The following GTPBP1 variants were observed in gnomAD, a reference collection of about 807,000 sequenced individuals.
The protein encoded by GTPBP1 is GTP-binding protein 1.
GTPBP1 carries 23 observed loss-of-function variants against 62.0 expected under a neutral mutation model. That is an observed-to-expected ratio of 0.37 (90% confidence interval 0.27 to 0.53). The LOEUF (loss-of-function observed/expected upper bound fraction) is 0.53, where lower values mean the gene tolerates loss of function less well. GTPBP1 is among the 20% of genes least tolerant of loss of function. The pLI, the probability that GTPBP1 is intolerant of heterozygous loss-of-function variation, is 0.89. For synonymous variants in GTPBP1, 344 were observed against 364.4 expected, an observed-to-expected ratio of 0.94 and a Z score of 0.64; for missense variants, 640 against 917.3, an observed-to-expected ratio of 0.70 and a Z score of 3.90.
Position 38,716,572 on chromosome 22 carries a change from A to G in GTPBP1, c.486-80A>G. On this transcript the variant is annotated intron_variant, in intron 3 of 11. Coordinates refer to ENST00000216044, the MANE Select transcript of GTPBP1 (RefSeq NM_004286.5). This position sits in a 1 kb window ranked among gnomAD's most constrained non-coding sequence, Gnocchi z 5.2. ...GGGGCAAGCCTGGACTTGCGGATCC[A>G]ATTACTGGGGTTATGATGGTCGCTC... The G allele has an allele frequency of 9.5e-7, 1 of 1,053,938 alleles. No individual in the cohort carries two copies. The highest frequency in any genetic ancestry group is 1.4e-6 in the Non-Finnish European group (1 of 708,766). The allele number at this position is 1,053,938 out of a possible 1,614,324, so 65.3% of individuals were successfully genotyped here. A position where few individuals can be genotyped will look rare whatever the true frequency, so the allele number is the denominator to read the frequency against.
downstream of GTPBP1, chr22:38,735,440 G>A (rs544716959): frequency 3.4e-5 from 11 of 326,466 alleles, no homozygotes; most frequent in Admixed American, 2.6e-4. Context: ...CCAAAGACAG[G>A]TCTAGGTCTC....
intron 2 of GTPBP1, among the ~76,000 whole-genome samples, chr22:38,713,053 T>C (rs1330217139): frequency 6.6e-6 from 1 of 152,172 alleles, no homozygotes; most frequent in African/African-American, 2.4e-5. Context: ...CACAAGGCAG[T>C]ACATTGCAAA....
At position 38,723,027 on chromosome 22, in the gene GTPBP1, A is replaced by G. The variant is rs967668203; in HGVS notation, c.958+1162A>G. ...TCAGGAAGTTTGCTCAAATCTGACA[A>G]GAGTGGGATGTTCATGTGGTCCAAA... On this transcript the variant is annotated intron_variant, in intron 5 of 11. Transcript: ENST00000216044. 62 of 804,798 alleles carry G rather than the reference A, an allele frequency of 7.7e-5. No homozygotes were observed. The African/African-American group carries it at 9.3e-4, about 12-fold the overall frequency. 49.9% of individuals were successfully genotyped at this position (804,798 alleles called of 1,614,324 possible).
downstream of GTPBP1, chr22:38,735,404 T>G: frequency 2.8e-6 from 1 of 355,610 alleles, no homozygotes; most frequent in Non-Finnish European, 5.5e-6. Flanking sequence ...CCACTCTTCT[T>G]GCTATAACCC....
At chr22:38,738,058 G>C, downstream of GTPBP1, 1 of 921,194 alleles carries the variant, frequency 1.1e-6, no homozygotes, top group Non-Finnish European at 1.8e-6. This position sits in a 1 kb window ranked among gnomAD's most constrained non-coding sequence, Gnocchi z 6.6. Context: ...TGTGGGAAAG[G>C]AGAGCAGGGC....
rs557691224 is a variant in GTPBP1, at chr22:38,706,123, G to A, written c.168G>A (p.Glu56=). The A allele has an allele frequency of 3.5e-5, 46 of 1,300,822 alleles. No individual in the cohort carries two copies. In the East Asian group the frequency reaches 1.3e-3, roughly 36 times the overall value. The allele number at this position is 1,300,822 out of a possible 1,614,324, so 80.6% of individuals were successfully genotyped here. A position where few individuals can be genotyped will look rare whatever the true frequency, so the allele number is the denominator to read the frequency against. Residue 56 remains glutamate (E), a synonymous_variant, in exon 1 of 12, where the codon GAG becomes GAA. Transcript: ENST00000216044. Reference sequence around the variant, plus strand: ...AGGACGGCGAGGCGCTCAACGGCGAGCCAGAGCTGGACCTCACCAGCAAGG... The same window carrying A: ...AGGACGGCGAGGCGCTCAACGGCGAACCAGAGCTGGACCTCACCAGCAAGG... ...CSEDGEALNG[E]PELDLTSKLV... is the part of the protein sequence containing the mutation.
chr22:38,725,970 C>T, intron 6 of GTPBP1, 36 bp from the exon 7 acceptor site: 2 of 1,608,500 alleles, frequency 1.2e-6, no homozygotes, highest in Non-Finnish European at 8.5e-7. Context: ...CTGAGTGCCT[C>T]TCTCCTTTTT....
intron 2 of GTPBP1, among the ~76,000 whole-genome samples, chr22:38,713,640 T>C (rs2092652637): frequency 6.6e-6 from 1 of 152,150 alleles, no homozygotes; most frequent in Non-Finnish European, 1.5e-5. Flanking sequence ...GGCTCTGGTT[T>C]TGGAATCTGA....
chr22:38,723,939 A>C (rs770264295), intron 5 of GTPBP1, among the ~76,000 whole-genome samples: 26 of 152,172 alleles, frequency 1.7e-4, no homozygotes, highest in Non-Finnish European at 3.1e-4. Context: ...TTGTTGGATG[A>C]GATTTTTTTC....
chr22:38,734,860 C>T (rs190578127), downstream of GTPBP1: 8 of 190,726 alleles, frequency 4.2e-5, no homozygotes, highest in East Asian at 1.7e-4. Flanking sequence ...CGGGATGGAG[C>T]GGGGCGGCCT....
intron 2 of GTPBP1, among the ~76,000 whole-genome samples, chr22:38,714,987 G>C (rs371559875): frequency 6.6e-6 from 1 of 152,138 alleles, no homozygotes; most frequent in Non-Finnish European, 1.5e-5. Flanking sequence ...CATTTCTCCA[G>C]CTGCTTGCTG....
chr22:38,714,276 C>T (rs192893421), intron 2 of GTPBP1, among the ~76,000 whole-genome samples: 5 of 152,024 alleles, frequency 3.3e-5, no homozygotes, highest in South Asian at 2.1e-4. Flanking sequence ...GTCAGGAGTT[C>T]GAGACCAGCC....
At chr22:38,710,699 T>C (rs2092633474) in intron 2 of GTPBP1, among the ~76,000 whole-genome samples, 1 of 152,250 alleles carries the variant, frequency 6.6e-6, no homozygotes, top group East Asian at 1.9e-4. Context: ...ACATCTGGCC[T>C]GCTCTAATAA....
Position 38,727,179 on chromosome 22 carries a change from G to A in GTPBP1, c.1402-34G>A. The stretch of plus-strand genomic sequence containing the variant: ...AGGGGTGAAACCAGAAGGCATAATT[G>A]TCCCTGAGGGCTGGGGCTCCCTCTT... On this transcript the variant is annotated intron_variant, in intron 8 of 11. Transcript: ENST00000216044. This position sits in a 1 kb window ranked among gnomAD's most constrained non-coding sequence, Gnocchi z 6.5. 2 of 1,533,080 alleles carry A rather than the reference G, an allele frequency of 1.3e-6. No homozygotes were observed. The highest frequency in any genetic ancestry group is 1.2e-5 in the South Asian group (1 of 81,848). The allele number at this position is 1,533,080 out of a possible 1,614,324, so 95.0% of individuals were successfully genotyped here. A position where few individuals can be genotyped will look rare whatever the true frequency, so the allele number is the denominator to read the frequency against.
downstream of GTPBP1, chr22:38,736,002 A>G (rs556538305): frequency 2.0e-5 from 8 of 399,386 alleles, no homozygotes; most frequent in Admixed American, 2.6e-4. Flanking sequence ...GTCCCCCATG[A>G]TATGCTACAT....
rs191692615 is a variant in GTPBP1 at position 38,713,806 on chromosome 22, A to G, written c.305-2101A>G. ...TAGTGTCTGTGCTGTTGTTTAAAAGAGGGTTGGGTTGGGTGTTGAGTTTGG... is the reference window on the plus strand; with the variant it reads ...TAGTGTCTGTGCTGTTGTTTAAAAGGGGGTTGGGTTGGGTGTTGAGTTTGG... On this transcript the variant is annotated intron_variant, in intron 2 of 11. Transcript: ENST00000216044. Among the ~76,000 whole-genome samples the G allele has an allele frequency of 5.9e-5, 9 of 152,280 alleles. No homozygotes were observed. The East Asian group carries it at 1.7e-3, about 29-fold the overall frequency.
chr22:38,709,036 A>G (rs11912480), intron 2 of GTPBP1, 80 bp downstream of exon 2: 1 of 836,826 alleles, frequency 1.2e-6, no homozygotes, highest in African/African-American at 1.7e-5. Context: ...TAATCCCAGC[A>G]CTTTGGGAGG....
rs1343748672 is a variant in GTPBP1 at position 38,730,011 on chromosome 22, T to G, written c.1917+349T>G. 6.6e-6 allele frequency among the ~76,000 whole-genome samples: 1 copy of G among 152,244 alleles called. No homozygotes were observed. Among genetic ancestry groups the G allele is most frequent in the African/African-American group, 2.4e-5 (1 of 41,450 alleles). The stretch of plus-strand genomic sequence containing the variant: ...GTGTCCAAGTGATATATGTGTGCAC[T>G]GCAGTCCAGCAGGTTTGAGAGACAC... On this transcript the variant is annotated intron_variant, in intron 11 of 11. Coordinates refer to ENST00000216044, the MANE Select transcript of GTPBP1 (RefSeq NM_004286.5). The surrounding 1 kb of genome is among the most constrained non-coding windows in gnomAD (Gnocchi z 5.6).
At chr22:38,740,533 A>G, downstream of GTPBP1, 3 of 1,298,058 alleles carry the variant, frequency 2.3e-6, no homozygotes, top group South Asian at 1.8e-5. The surrounding 1 kb of genome is among the most constrained non-coding windows in gnomAD (Gnocchi z 4.8). Context: ...CCGTCAGGAG[A>G]GCGGGTGCCC....
Sources: allele counts gnomAD v4.1 joint callset (sites outside exome capture counted in the v4.1 genomes callset), GRCh38; gene constraint gnomAD v4.1.1; non-coding constraint Gnocchi (gnomAD v3.1); transcripts MANE v1.5; gene names NCBI Gene and HGNC (gene_info 2026-07-23, HGNC 2026-07-21).